Variants in CLEC14A observed in about 807,000 individuals in gnomAD.
The protein encoded by CLEC14A is C-type lectin domain family 14 member A.
For synonymous variants in CLEC14A, 349 were observed against 292.0 expected (o/e 1.20, Z -1.99); for missense variants, 682 against 659.9 (o/e 1.03, Z -0.37).
rs766495110 is a variant in CLEC14A, at chr14:38,255,714, G to A, written c.309C>T (p.Cys103=). The change falls in exon 1 of 1, where the codon TGC becomes TGT. Residue 103 remains cysteine, a synonymous_variant. Coordinates refer to ENST00000342213, the MANE Select transcript of CLEC14A (RefSeq NM_175060.3). The surrounding 1 kb of genome is among the most constrained non-coding windows in gnomAD (Gnocchi z 5.1). Reference sequence around the variant, plus strand: ...CCCGCAAAGGCTCGTTCTCCAGGGTGCAGTGGGAACGCCTGCGCTCCAGTG... The same window carrying A: ...CCCGCAAAGGCTCGTTCTCCAGGGTACAGTGGGAACGCCTGCGCTCCAGTG... ...WVALERRRSH[C]TLENEPLRGF... is the part of the protein sequence containing the mutation. 1 of 1,568,738 alleles carries A rather than the reference G, an allele frequency of 6.4e-7. No individual in the cohort carries two copies. Among genetic ancestry groups the A allele is most frequent in the East Asian group, 2.4e-5 (1 of 42,426 alleles).
At position 38,255,769 on chromosome 14, in the gene CLEC14A, C is replaced by G. The variant is rs959242025; in HGVS notation, c.254G>C (p.Gly85Ala). 1 of 1,545,698 alleles carries G rather than the reference C, an allele frequency of 6.5e-7. No homozygotes were observed. Among genetic ancestry groups the G allele is most frequent in the South Asian group, 1.2e-5 (1 of 84,732 alleles). ...ALLRAGPGPG[G>A]GSKDLLFWVA... is the part of the protein sequence containing the mutation. Reference sequence around the variant, plus strand: ...CCAGAACAGCAGGTCTTTGGAGCCCCCTCCGGGCCCTGGGCCTGCCCGCAG... The same window carrying G: ...CCAGAACAGCAGGTCTTTGGAGCCCGCTCCGGGCCCTGGGCCTGCCCGCAG... The change falls in exon 1 of 1, where the codon GGG becomes GCG. Residue 85 changes from glycine to alanine, a missense_variant. By Grantham distance (60) the Gly-to-Ala change is moderately conservative. Transcript: ENST00000342213. This position sits in a 1 kb window ranked among gnomAD's most constrained non-coding sequence, Gnocchi z 5.1.
chr14:38,254,812 C>T lies in CLEC14A; in HGVS notation c.1211G>A (p.Ser404Asn), dbSNP rs1389584207. 3.1e-6 allele frequency: 5 copies of T among 1,614,038 alleles called. No individual in the cohort carries two copies. The South Asian group carries it at 5.5e-5, about 18-fold the overall frequency. The change falls in exon 1 of 1, where the codon AGC (serine) becomes AAC (asparagine). Residue 404 changes from serine (S) to asparagine (N), a missense_variant. Ser to Asn is a conservative substitution (Grantham distance 46). Transcript: ENST00000342213. Reference sequence around the variant, plus strand: ...GATCACCAACACTACTACTGCTGTGCTCACAAATATGAAGACCACGGCAGA... The same window carrying T: ...GATCACCAACACTACTACTGCTGTGTTCACAAATATGAAGACCACGGCAGA... ...SSSAVVFIFV[S>N]TAVVVLVILT... is the part of the protein sequence containing the mutation.
In CLEC14A at chr14:38,254,803, A is replaced by G. The variant is rs910482314; in HGVS notation, c.1220T>C (p.Val407Ala). The change falls in exon 1 of 1, where the codon GTA (valine) becomes GCA (alanine). Residue 407 changes from valine to alanine, a missense_variant. Coordinates refer to ENST00000342213, the MANE Select transcript of CLEC14A (RefSeq NM_175060.3). Reference protein sequence around the residue: ...AVVFIFVSTAVVVLVILTMTV... With the variant: ...AVVFIFVSTAAVVLVILTMTV... ...CATGGTCAAGATCACCAACACTACT[A>G]CTGCTGTGCTCACAAATATGAAGAC... The G allele has an allele frequency of 6.2e-7, 1 of 1,613,994 alleles. No homozygotes were observed. The highest frequency in any genetic ancestry group is 1.3e-5 in the African/African-American group (1 of 74,908).
At position 38,255,789 on chromosome 14, in the gene CLEC14A, C is replaced by A; in HGVS notation, c.234G>T (p.Arg78=). The stretch of plus-strand genomic sequence containing the variant: ...AGCCCCCTCCGGGCCCTGGGCCTGC[C>A]CGCAGGAGCGCGAGCACAGCGCGCA... ...AELRAVLALL[R]AGPGPGGGSK... The change falls in exon 1 of 1, where the codon CGG becomes CGT. Residue 78 remains arginine (R), a synonymous_variant. Coordinates refer to ENST00000342213, the MANE Select transcript of CLEC14A (RefSeq NM_175060.3). This position sits in a 1 kb window ranked among gnomAD's most constrained non-coding sequence, Gnocchi z 5.1. 6.5e-7 allele frequency: 1 copy of A among 1,542,188 alleles called. No homozygotes were observed. The highest frequency in any genetic ancestry group is 8.7e-7 in the Non-Finnish European group (1 of 1,148,162).
chr14:38,255,930 G>A lies in CLEC14A; in HGVS notation c.93C>T (p.Cys31=), dbSNP rs2139322378. 3.2e-6 allele frequency: 5 copies of A among 1,565,526 alleles called. No homozygotes were observed. In the South Asian group the frequency reaches 4.7e-5, roughly 15 times the overall value. Reference sequence around the variant, plus strand: ...GGCTGTAGCAGGCCCCCGAGGCCGAGCAGCCAGCACGGTCGGCAGTGGGGT... The same window carrying A: ...GGCTGTAGCAGGCCCCCGAGGCCGAACAGCCAGCACGGTCGGCAGTGGGGT... The part of the protein sequence containing the change: ...GEHPTADRAG[C]SASGACYSLH... The change falls in exon 1 of 1, where the codon TGC becomes TGT. Residue 31 remains cysteine (C), a synonymous_variant. Coordinates refer to ENST00000342213, the MANE Select transcript of CLEC14A (RefSeq NM_175060.3). This position sits in a 1 kb window ranked among gnomAD's most constrained non-coding sequence, Gnocchi z 5.1.
Position 38,254,716 on chromosome 14 carries a change from T to G in CLEC14A, c.1307A>C (p.Glu436Ala), listed in dbSNP as rs1264645669. 1 of 1,613,838 alleles carries G rather than the reference T, an allele frequency of 6.2e-7. No individual in the cohort carries two copies. Among genetic ancestry groups the G allele is most frequent in the Non-Finnish European group, 8.5e-7 (1 of 1,179,992 alleles). ...CTCCAGGCCCGGCGGGCCCATAGAC[T>G]CCTTCCTTGGCTGGGAAGAGGGGCT... ...HESPSSQPRK[E>A]SMGPPGLESD... is the part of the protein sequence containing the mutation. Residue 436 changes from glutamate to alanine, a missense_variant, in exon 1 of 1, where the codon GAG (glutamate) becomes GCG (alanine). By Grantham distance (107) the Glu-to-Ala change is moderately radical (BLOSUM62 -1). Transcript: ENST00000342213.
In CLEC14A at chr14:38,254,367, C is replaced by A. The variant is rs1883996212; in HGVS notation, c.*183G>T. On this transcript the variant is annotated 3_prime_UTR_variant, in exon 1 of 1. Coordinates refer to ENST00000342213, the MANE Select transcript of CLEC14A (RefSeq NM_175060.3). ...AGTATCACCATCCTAAAGGCACTTC[C>A]ACTTCCTCTATCATCAGGGAAGGAG... 2 of 532,066 alleles carry A rather than the reference C, an allele frequency of 3.8e-6. No individual in the cohort carries two copies. The highest frequency in any genetic ancestry group is 3.2e-6 in the Non-Finnish European group (1 of 311,928). 33.0% of individuals were successfully genotyped at this position (532,066 alleles called of 1,614,324 possible). A position where few individuals can be genotyped will look rare whatever the true frequency, so the allele number is the denominator to read the frequency against.
Position 38,255,103 on chromosome 14 carries a change from G to C in CLEC14A, c.920C>G (p.Pro307Arg), listed in dbSNP as rs747879149. The C allele has an allele frequency of 2.5e-6, 4 of 1,612,372 alleles. No homozygotes were observed. Among genetic ancestry groups the C allele is most frequent in the Non-Finnish European group, 3.4e-6 (4 of 1,180,006 alleles). ...CGGCACGGGGCTGGTTGCAGTGGCC[G>C]GCGGGCGCCTGGTGGGCACCCCGGT... ...GGTGVPTRRPPATATSPVPQR... is the reference protein window; with the variant it reads ...GGTGVPTRRPRATATSPVPQR... The change falls in exon 1 of 1, where the codon CCG (proline) becomes CGG (arginine). Residue 307 changes from proline to arginine, a missense_variant. Transcript: ENST00000342213. The surrounding 1 kb of genome is among the most constrained non-coding windows in gnomAD (Gnocchi z 5.1).
Position 38,256,074 on chromosome 14 carries a change from G to C in CLEC14A, c.-52C>G, listed in dbSNP as rs568635618. 24 of 1,447,576 alleles carry C rather than the reference G, an allele frequency of 1.7e-5. 1 individual carries two copies. In the South Asian group the frequency reaches 2.5e-4, roughly 15 times the overall value. 89.7% of individuals were successfully genotyped at this position (1,447,576 alleles called of 1,614,324 possible). A position where few individuals can be genotyped will look rare whatever the true frequency, so the allele number is the denominator to read the frequency against. ...CTCCCAACTTGGATCTGTCCCGCTC[G>C]AGGACGCAGAGCTGTGTCTGGAGCG... On this transcript the variant is annotated 5_prime_UTR_variant, in exon 1 of 1. Transcript: ENST00000342213.
At position 38,256,011 on chromosome 14, in the gene CLEC14A, C is replaced by T. The variant is rs1410305389; in HGVS notation, c.12G>A (p.Ala4=). The part of the protein sequence containing the change: MRP[A]FALCLLWQAL... The stretch of plus-strand genomic sequence containing the variant: ...CCTGCCAGAGGAGGCACAGGGCGAA[C>T]GCCGGCCTCATTCTCTGAGGCCCCG... The change falls in exon 1 of 1, where the codon GCG becomes GCA. Residue 4 remains alanine (A), a synonymous_variant. Coordinates refer to ENST00000342213, the MANE Select transcript of CLEC14A (RefSeq NM_175060.3). 7.2e-6 allele frequency: 11 copies of T among 1,527,596 alleles called. No homozygotes were observed. Among genetic ancestry groups the T allele is most frequent in the Non-Finnish European group, 9.7e-6 (11 of 1,138,100 alleles). 94.6% of individuals were successfully genotyped at this position (1,527,596 alleles called of 1,614,324 possible). A position where few individuals can be genotyped will look rare whatever the true frequency, so the allele number is the denominator to read the frequency against.
chr14:38,255,659 C>A lies in CLEC14A; in HGVS notation c.364G>T (p.Gly122Cys). The A allele has an allele frequency of 6.2e-7, 1 of 1,603,260 alleles. No individual in the cohort carries two copies. The highest frequency in any genetic ancestry group is 2.2e-5 in the East Asian group (1 of 44,628). The part of the protein sequence containing the change: ...GFSWLSSDPG[G>C]LESDTLQWVE... ...CACTGCAGCGTGTCGCTTTCGAGACCGCCGGGGTCGGAGGACAGCCAGGAG... is the reference window on the plus strand; with the variant it reads ...CACTGCAGCGTGTCGCTTTCGAGACAGCCGGGGTCGGAGGACAGCCAGGAG... Residue 122 changes from glycine to cysteine, a missense_variant, in exon 1 of 1, where the codon GGT becomes TGT. Physicochemically the swap from Gly to Cys is radical, Grantham distance 159. Transcript: ENST00000342213. This position sits in a 1 kb window ranked among gnomAD's most constrained non-coding sequence, Gnocchi z 5.1.
rs1039768473 is a variant in CLEC14A, at chr14:38,254,577, C to T, written c.1446G>A (p.Glu482=). ...ATGCATCACTAGAGCCAAGAGGGGA[C>T]TCCGCCAGCAAGGCACCCTCTGCTC... The part of the protein sequence containing the change: ...RDRAEGALLA[E]SPLGSSDA Residue 482 remains glutamate, a synonymous_variant, in exon 1 of 1, where the codon GAG becomes GAA. Transcript: ENST00000342213. 6.3e-7 allele frequency: 1 copy of T among 1,596,984 alleles called. No individual in the cohort carries two copies. Among genetic ancestry groups the T allele is most frequent in the African/African-American group, 1.3e-5 (1 of 74,646 alleles).
In CLEC14A at chr14:38,255,613, G is replaced by C; in HGVS notation, c.410C>G (p.Ser137Cys). ...TACCGCGCATCTCCGCGCGGTGCAG[G>C]AGCGTTGGGGCTCCTCCACCCACTG... ...TLQWVEEPQR[S>C]CTARRCAVLQ... The change falls in exon 1 of 1, where the codon TCC becomes TGC. Residue 137 changes from serine (S) to cysteine (C), a missense_variant. Ser to Cys is a moderately radical substitution (Grantham distance 112). Coordinates refer to ENST00000342213, the MANE Select transcript of CLEC14A (RefSeq NM_175060.3). This position sits in a 1 kb window ranked among gnomAD's most constrained non-coding sequence, Gnocchi z 5.1. 1 of 1,610,664 alleles carries C rather than the reference G, an allele frequency of 6.2e-7. No individual in the cohort carries two copies. The highest frequency in any genetic ancestry group is 8.5e-7 in the Non-Finnish European group (1 of 1,179,772).
Position 38,254,430 on chromosome 14 carries a change from G to A in CLEC14A, c.*120C>T. On this transcript the variant is annotated 3_prime_UTR_variant, in exon 1 of 1. Transcript: ENST00000342213. ...ATTTAGCTCCTCAGTGGAGTAAAGGGAATTTAGAGGAAGGGGGATTTCTGC... is the reference window on the plus strand; with the variant it reads ...ATTTAGCTCCTCAGTGGAGTAAAGGAAATTTAGAGGAAGGGGGATTTCTGC... 1 of 948,628 alleles carries A rather than the reference G, an allele frequency of 1.1e-6. No homozygotes were observed. The highest frequency in any genetic ancestry group is 1.6e-6 in the Non-Finnish European group (1 of 638,698). The allele number at this position is 948,628 out of a possible 1,614,324, so 58.8% of individuals were successfully genotyped here. A position where few individuals can be genotyped will look rare whatever the true frequency, so the allele number is the denominator to read the frequency against.
At position 38,254,306 on chromosome 14, in the gene CLEC14A, A is replaced by T. The variant is rs1883994454; in HGVS notation, c.*244T>A. On this transcript the variant is annotated 3_prime_UTR_variant, in exon 1 of 1. Coordinates refer to ENST00000342213, the MANE Select transcript of CLEC14A (RefSeq NM_175060.3). ...TTCTCCAAATTCTCCGAATAAACAT[A>T]AGAAAATATCTCTCCCCAGCACTAC... 2.6e-6 allele frequency: 1 copy of T among 390,324 alleles called. No individual in the cohort carries two copies. The allele number at this position is 390,324 out of a possible 1,614,324, so 24.2% of individuals were successfully genotyped here. A position where few individuals can be genotyped will look rare whatever the true frequency, so the allele number is the denominator to read the frequency against.
In CLEC14A at chr14:38,255,750, C is replaced by A. The variant is rs967413859; in HGVS notation, c.273G>T (p.Leu91=). 3.9e-6 allele frequency: 6 copies of A among 1,551,070 alleles called. No homozygotes were observed. In the Admixed American group the frequency reaches 9.6e-5, roughly 25 times the overall value. Residue 91 remains leucine (L), a synonymous_variant, in exon 1 of 1, where the codon CTG becomes CTT. Transcript: ENST00000342213. The surrounding 1 kb of genome is among the most constrained non-coding windows in gnomAD (Gnocchi z 5.1). ...PGPGGGSKDL[L]FWVALERRRS... ...GCCTGCGCTCCAGTGCGACCCAGAA[C>A]AGCAGGTCTTTGGAGCCCCCTCCGG...
At position 38,255,878 on chromosome 14, in the gene CLEC14A, C is replaced by T; in HGVS notation, c.145G>A (p.Ala49Thr). The change falls in exon 1 of 1, where the codon GCG (alanine) becomes ACG (threonine). Residue 49 changes from alanine to threonine, a missense_variant. Ala to Thr is a moderately conservative substitution (Grantham distance 58). Transcript: ENST00000342213. This position sits in a 1 kb window ranked among gnomAD's most constrained non-coding sequence, Gnocchi z 5.1. ...CGCAGGATGCAGGCCTCCTCGGCCG[C>T]CTGCCGCTTCATGGTAGCGTGGTGC... ...SLHHATMKRQ[A>T]AEEACILRGG... The T allele has an allele frequency of 6.4e-7, 1 of 1,560,704 alleles. No homozygotes were observed. Among genetic ancestry groups the T allele is most frequent in the Admixed American group, 1.8e-5 (1 of 54,920 alleles).
Position 38,254,958 on chromosome 14 carries a change from C to T in CLEC14A, c.1065G>A (p.Met355Ile). The T allele has an allele frequency of 6.2e-7, 1 of 1,614,206 alleles. No homozygotes were observed. The highest frequency in any genetic ancestry group is 8.5e-7 in the Non-Finnish European group (1 of 1,180,040). ...EIPRWGSQST[M>I]STLQMSLQAE... ...CTTGAAGGGACATTTGAAGGGTAGA[C>T]ATCGTGCTCTGTGATCCCCATCGAG... Residue 355 changes from methionine (M) to isoleucine (I), a missense_variant, in exon 1 of 1, where the codon ATG becomes ATA. Physicochemically the swap from Met to Ile is conservative, Grantham distance 10. Coordinates refer to ENST00000342213, the MANE Select transcript of CLEC14A (RefSeq NM_175060.3).
At position 38,254,423 on chromosome 14, in the gene CLEC14A, G is replaced by T; in HGVS notation, c.*127C>A. ...AGTTCTGATTTAGCTCCTCAGTGGA[G>T]TAAAGGGAATTTAGAGGAAGGGGGA... On this transcript the variant is annotated 3_prime_UTR_variant, in exon 1 of 1. Coordinates refer to ENST00000342213, the MANE Select transcript of CLEC14A (RefSeq NM_175060.3). The T allele has an allele frequency of 1.1e-6, 1 of 884,158 alleles. No individual in the cohort carries two copies. Among genetic ancestry groups the T allele is most frequent in the South Asian group, 1.9e-5 (1 of 53,566 alleles). 54.8% of individuals were successfully genotyped at this position (884,158 alleles called of 1,614,324 possible). A position where few individuals can be genotyped will look rare whatever the true frequency, so the allele number is the denominator to read the frequency against.
Sources: gnomAD v4.1 joint callset for allele counts on GRCh38, gnomAD v4.1.1 for gene constraint, Gnocchi (gnomAD v3.1) non-coding constraint, MANE v1.5 for transcripts, NCBI Gene and HGNC (gene_info 2026-07-23, HGNC 2026-07-21) for gene names.